The following SRGAP2 variants were observed in gnomAD, a reference collection of about 807,000 sequenced individuals.
SRGAP2 encodes SLIT-ROBO Rho GTPase activating protein 2.
A neutral mutation model predicts 57.2 loss-of-function variants in SRGAP2; 15 were observed. That is an observed-to-expected ratio of 0.26 (90% CI 0.18 to 0.40). The LOEUF is 0.40. Among genes scored for constraint, SRGAP2 ranks in the 10% least tolerant of loss-of-function variants. SRGAP2 has a pLI of 1.00. For missense variants in SRGAP2, 520 were observed against 669.6 expected, an observed-to-expected ratio of 0.78 and a Z score of 2.47; for synonymous variants, 249 against 248.0, an observed-to-expected ratio of 1.00 and a Z score of -0.04.
At chr1:206,421,401 T>C in intron 13 of SRGAP2, 127 bp downstream of exon 13, 1 of 519,768 alleles carries the variant, frequency 1.9e-6, no homozygotes, top group East Asian at 3.2e-5. Flanking sequence ...GAATGTATCA[T>C]TTAGTCATAG....
chr1:206,358,971 A>G (rs1456517421), intron 4 of SRGAP2, among the ~76,000 whole-genome samples: 1 of 152,028 alleles, frequency 6.6e-6, no homozygotes, highest in South Asian at 2.1e-4. Flanking sequence ...TTTGTTGTCT[A>G]TAGGATCTTG....
chr1:206,399,069 G>A (rs1255313043), intron 7 of SRGAP2, among the ~76,000 whole-genome samples: 1 of 152,188 alleles, frequency 6.6e-6, no homozygotes, highest in Non-Finnish European at 1.5e-5. Context: ...ATCCTCATTT[G>A]AGGCCCAGAA....
intron 17 of SRGAP2, among the ~76,000 whole-genome samples, chr1:206,440,816 A>G (rs576469898): frequency 2.0e-5 from 3 of 152,350 alleles, no homozygotes; most frequent in African/African-American, 7.2e-5. Context: ...AAGTGCTGGG[A>G]TTACAGGCGT....
chr1:206,248,675 C>T (rs1356327008), intron 2 of SRGAP2, among the ~76,000 whole-genome samples: 5 of 152,140 alleles, frequency 3.3e-5, no homozygotes, highest in African/African-American at 7.2e-5. Flanking sequence ...GGGATTTCAC[C>T]GTGGATGTTG....
rs574204892 is a variant in SRGAP2 at position 206,454,250 on chromosome 1, G to A, written c.2361-628G>A. ...TCGCAAACCTGGTGGCAATCTGTGC[G>A]TGGACAGGACCCTCCCAAATTTAGC... On this transcript the variant is annotated intron_variant, in intron 20 of 22. Transcript: ENST00000573034. The surrounding 1 kb of genome is among the most constrained non-coding windows in gnomAD (Gnocchi z 4.3). 54 of 700,442 alleles carry A rather than the reference G, an allele frequency of 7.7e-5. No homozygotes were observed. Among genetic ancestry groups the A allele is most frequent in the African/African-American group, 7.0e-4 (40 of 57,288 alleles). The allele number at this position is 700,442 out of a possible 1,614,324, so 43.4% of individuals were successfully genotyped here.
intron 2 of SRGAP2, among the ~76,000 whole-genome samples, chr1:206,216,430 T>C (rs1297398237): frequency 6.6e-6 from 1 of 151,600 alleles, no homozygotes; most frequent in African/African-American, 2.4e-5. Flanking sequence ...ACTAAAAGTC[T>C]AAGTTTGAGA....
At chr1:206,268,081 A>ATT (rs71568075) in intron 2 of SRGAP2, among the ~76,000 whole-genome samples, 6 of 145,258 alleles carry the variant, frequency 4.1e-5, no homozygotes, top group African/African-American at 7.8e-5. Flanking sequence ...ATATATATAT[A>ATT]TTTTTTTTTT....
intron 2 of SRGAP2, among the ~76,000 whole-genome samples, chr1:206,260,412 G>A (rs1336806554): frequency 2.0e-5 from 3 of 152,166 alleles, no homozygotes; most frequent in East Asian, 1.9e-4. Context: ...ATATGTTGAC[G>A]AGTATTATTT....
rs569678430 is a variant in SRGAP2 at position 206,221,409 on chromosome 1, T to C, written c.67+15372T>C. Among the ~76,000 whole-genome samples, 197 of 152,132 alleles carry C rather than the reference T, an allele frequency of 1.3e-3. 3 individuals carry two copies. Among genetic ancestry groups the C allele is most frequent in the Non-Finnish European group, 2.2e-3 (151 of 68,010 alleles). ...AGAAACCATTTTTTTTTTCCGGTTCTGGAGGCTGGGAAGTCCAAGATTGAG... is the reference window on the plus strand; with the variant it reads ...AGAAACCATTTTTTTTTTCCGGTTCCGGAGGCTGGGAAGTCCAAGATTGAG... On this transcript the variant is annotated intron_variant, in intron 2 of 22. Transcript: ENST00000573034.
intron 4 of SRGAP2, among the ~76,000 whole-genome samples, chr1:206,364,418 C>T (rs1319522478): frequency 2.6e-5 from 4 of 150,950 alleles, no homozygotes; most frequent in Non-Finnish European, 4.4e-5. Flanking sequence ...TCTCTTGCCT[C>T]AGCCTCCCGA....
At chr1:206,369,492 A>G (rs1406263631) in intron 4 of SRGAP2, among the ~76,000 whole-genome samples, 1 of 152,156 alleles carries the variant, frequency 6.6e-6, no homozygotes, top group Non-Finnish European at 1.5e-5. Flanking sequence ...AGGTATTTTC[A>G]AATCATATAT....
rs1298612953 is a variant in SRGAP2, at chr1:206,464,265, G to A, written c.*2845G>A. ...ATCGCAATGTTGTGGCGTCTGACTT[G>A]TATGTCACATTTGTGTAAAATGGTA... On this transcript the variant is annotated 3_prime_UTR_variant, in exon 23 of 23. Coordinates refer to ENST00000573034, the MANE Select transcript of SRGAP2 (RefSeq NM_015326.5). 1.3e-5 allele frequency: 2 copies of A among 152,618 alleles called. No homozygotes were observed. The highest frequency in any genetic ancestry group is 4.8e-5 in the African/African-American group (2 of 41,436). 9.5% of individuals were successfully genotyped at this position (152,618 alleles called of 1,614,324 possible).
chr1:206,446,385 G>A (rs1336192136), intron 18 of SRGAP2, 86 bp downstream of exon 18: 5 of 742,688 alleles, frequency 6.7e-6, no homozygotes, highest in African/African-American at 5.1e-5. Context: ...AAACCAAAGG[G>A]AAACACCCAG....
chr1:206,453,224 C>A lies in SRGAP2; in HGVS notation c.2204C>A (p.Ala735Asp). The change falls in exon 20 of 23, where the codon GCC becomes GAC. Residue 735 changes from alanine to aspartate, a missense_variant. Ala to Asp is a moderately radical substitution (Grantham distance 126, BLOSUM62 -2). Coordinates refer to ENST00000573034, the MANE Select transcript of SRGAP2 (RefSeq NM_015326.5). ...DDECEPIEAI[A>D]KFDYVGRTAR... ...GAATGTGAGCCCATCGAGGCCATTGCCAAGTTTGACTACGTGGGCCGGACA... is the reference window on the plus strand; with the variant it reads ...GAATGTGAGCCCATCGAGGCCATTGACAAGTTTGACTACGTGGGCCGGACA... The A allele has an allele frequency of 1.7e-6, 1 of 600,880 alleles. No homozygotes were observed. The highest frequency in any genetic ancestry group is 2.0e-5 in the South Asian group (1 of 51,014). 37.2% of individuals were successfully genotyped at this position (600,880 alleles called of 1,614,324 possible).
chr1:206,217,483 C>G (rs1366980375), intron 2 of SRGAP2, among the ~76,000 whole-genome samples: 1 of 152,020 alleles, frequency 6.6e-6, no homozygotes, highest in African/African-American at 2.4e-5. Flanking sequence ...GTCTCAAAAT[C>G]CCTAGTTTCC....
chr1:206,318,692 C>G (rs1263142314), intron 3 of SRGAP2, among the ~76,000 whole-genome samples: 1 of 152,136 alleles, frequency 6.6e-6, no homozygotes, highest in Non-Finnish European at 1.5e-5. Context: ...TGGCAGAAGG[C>G]ACCGGGGAGC....
chr1:206,373,725 C>A (rs1486294489), intron 4 of SRGAP2, among the ~76,000 whole-genome samples: 2 of 84,456 alleles, frequency 2.4e-5, no homozygotes, highest in Non-Finnish European at 4.6e-5. Context: ...TAGAGCGAGA[C>A]TCTGTCTCAA....
rs201838475 is a variant in SRGAP2 at position 206,327,439 on chromosome 1, A to C, written c.261-15407A>C. 5.4e-5 allele frequency among the ~76,000 whole-genome samples: 8 copies of C among 147,658 alleles called. No individual in the cohort carries two copies. The East Asian group carries it at 1.6e-3, about 29-fold the overall frequency. ...AGATGTATTTGTCTTTTCAGACATGATTCTAGTCACTTTGTTTTGTGGGTA... is the reference window on the plus strand; with the variant it reads ...AGATGTATTTGTCTTTTCAGACATGCTTCTAGTCACTTTGTTTTGTGGGTA... On this transcript the variant is annotated intron_variant, in intron 3 of 22. Transcript: ENST00000573034.
intron 5 of SRGAP2, among the ~76,000 whole-genome samples, chr1:206,392,130 A>G (rs1482512967): frequency 6.6e-6 from 1 of 152,210 alleles, no homozygotes; most frequent in Non-Finnish European, 1.5e-5. Context: ...TTGCTGTGAG[A>G]GGGTGTTTGA....
Sources: allele counts gnomAD v4.1 joint callset (sites outside exome capture counted in the v4.1 genomes callset), GRCh38; gene constraint gnomAD v4.1.1; non-coding constraint Gnocchi (gnomAD v3.1); transcripts MANE v1.5; gene names NCBI Gene and HGNC (gene_info 2026-07-23, HGNC 2026-07-21).